CTNNA2: variants seen among roughly 807,000 people sequenced by gnomAD.
CTNNA2 encodes the protein catenin alpha-2.
Under a neutral mutation model 101.0 loss-of-function variants are expected in CTNNA2, and 42 were observed. The observed-to-expected ratio is 0.42, with a 90% confidence interval of 0.32 to 0.54. The LOEUF (loss-of-function observed/expected upper bound fraction) is 0.54. Among genes scored for constraint, CTNNA2 ranks in the 20% least tolerant of loss-of-function variants. CTNNA2 has a pLI of 0.14. For missense variants in CTNNA2, 871 were observed against 1,223.1 expected (o/e 0.71, Z 4.29); for synonymous variants, 450 against 456.4 (o/e 0.99, Z 0.18).
intron 3 of CTNNA2, among the ~76,000 whole-genome samples, chr2:79,837,715 A>G (rs1160780785): frequency 6.6e-6 from 1 of 151,888 alleles, no homozygotes; most frequent in African/African-American, 2.4e-5. Context: ...CATACTCTCA[A>G]TTTGTAATTT....
chr2:80,450,352 A>G (rs1175289332), intron 9 of CTNNA2, among the ~76,000 whole-genome samples: 1 of 152,106 alleles, frequency 6.6e-6, no homozygotes, highest in Non-Finnish European at 1.5e-5. Flanking sequence ...ATCTTGAACA[A>G]CTAGTATGGT....
chr2:79,453,636 G>C (rs1670780547), intron 4 of CTNNA2, among the ~76,000 whole-genome samples: 1 of 152,130 alleles, frequency 6.6e-6, no homozygotes, highest in Non-Finnish European at 1.5e-5. Flanking sequence ...TGGCCAGCCA[G>C]TACTTTGCAG....
At chr2:79,318,107 TAA>T (rs1185711817) in intron 3 of CTNNA2, among the ~76,000 whole-genome samples, 1 of 151,920 alleles carries the variant, frequency 6.6e-6, no homozygotes, top group Non-Finnish European at 1.5e-5. Flanking sequence ...TATGTTTTTG[TAA>T]AAAAAATTCT....
intron 6 of CTNNA2, among the ~76,000 whole-genome samples, chr2:79,880,428 C>A (rs1271222058): frequency 1.3e-5 from 2 of 152,140 alleles, no homozygotes; most frequent in African/African-American, 4.8e-5. Context: ...TAGAATTCAC[C>A]TGTGAATCCA....
Position 80,014,284 on chromosome 2 carries a change from A to G in CTNNA2, c.1056+104487A>G, listed in dbSNP as rs189676090. Among the ~76,000 whole-genome samples the G allele has an allele frequency of 2.5e-3, 374 of 152,242 alleles. 2 individuals are homozygous for G. The highest frequency in any genetic ancestry group is 0.012 in the South Asian group (56 of 4,820). ...CAGAAGCTGCAGGAGGAAGGGAGCT[A>G]GAAAGATGCCTTTCTTCCTGGTGTG... is the stretch of plus-strand genomic sequence containing the variant. On this transcript the variant is annotated intron_variant, in intron 7 of 18. Transcript: ENST00000402739.
chr2:80,145,266 G>T (rs1703262440), intron 7 of CTNNA2, among the ~76,000 whole-genome samples: 2 of 152,100 alleles, frequency 1.3e-5, no homozygotes, highest in African/African-American at 4.8e-5. Flanking sequence ...GCATTTTCTG[G>T]GTTGAATTCT....
intron 3 of CTNNA2, among the ~76,000 whole-genome samples, chr2:79,317,799 A>G (rs1573071185): frequency 6.6e-6 from 1 of 152,118 alleles, no homozygotes; most frequent in African/African-American, 2.4e-5. Flanking sequence ...TGACCTTTTT[A>G]TGATTTTATG....
In CTNNA2 at chr2:79,396,797, A is replaced by C. The variant is rs56056701; in HGVS notation, c.-135+22784A>C. On this transcript the variant is annotated intron_variant, in intron 4 of 21. Transcript: ENST00000466387. ...ATTAATAAATGGAGAGAATATTCAAAACAAGCCATTAAAATTGGGCAAAAA... is the reference window on the plus strand; with the variant it reads ...ATTAATAAATGGAGAGAATATTCAACACAAGCCATTAAAATTGGGCAAAAA... Among the ~76,000 whole-genome samples, 280 of 152,298 alleles carry C rather than the reference A, an allele frequency of 1.8e-3. 3 individuals carry two copies. The highest frequency in any genetic ancestry group is 2.9e-3 in the Non-Finnish European group (198 of 68,028).
At chr2:79,738,711 T>C (rs1671074815) in intron 2 of CTNNA2, among the ~76,000 whole-genome samples, 1 of 152,314 alleles carries the variant, frequency 6.6e-6, no homozygotes, top group Non-Finnish European at 1.5e-5. Context: ...TAAAAATGAT[T>C]TGATTTTAGC....
chr2:79,454,173 C>T (rs890146377), intron 4 of CTNNA2, among the ~76,000 whole-genome samples: 6 of 152,004 alleles, frequency 3.9e-5, no homozygotes, highest in African/African-American at 1.4e-4. Context: ...TTTTTAACTC[C>T]TAGGATATGG....
chr2:79,312,324 A>G (rs2104401371), intron 2 of CTNNA2, among the ~76,000 whole-genome samples: 1 of 152,282 alleles, frequency 6.6e-6, no homozygotes, highest in Non-Finnish European at 1.5e-5. Context: ...AACATAGTCA[A>G]TGTCTTTTTG....
chr2:79,569,939 A>G (rs1336151803), intron 1 of CTNNA2, among the ~76,000 whole-genome samples: 2 of 152,182 alleles, frequency 1.3e-5, no homozygotes, highest in Non-Finnish European at 2.9e-5. Context: ...TTTATTTGCA[A>G]TTGTGTCCTC....
intron 9 of CTNNA2, among the ~76,000 whole-genome samples, chr2:80,448,301 C>A (rs1424379068): frequency 6.6e-6 from 1 of 152,166 alleles, no homozygotes; most frequent in African/African-American, 2.4e-5. Flanking sequence ...TGATGCTTAG[C>A]AATAAGGGTG....
Position 79,735,608 on chromosome 2 carries a change from A to T in CTNNA2, c.103-8779A>T, listed in dbSNP as rs116046976. ...TGTAGACCACAGCAACTGAGTTACA[A>T]GGCTTGCCTCATGGCCTTACTTAAA... On this transcript the variant is annotated intron_variant, in intron 2 of 18. Coordinates refer to ENST00000402739, the MANE Select transcript of CTNNA2 (RefSeq NM_001282597.3). Among the ~76,000 whole-genome samples the T allele has an allele frequency of 4.2e-3, 639 of 152,332 alleles. 2 individuals are homozygous for T. Among genetic ancestry groups the T allele is most frequent in the Non-Finnish European group, 7.0e-3 (477 of 68,008 alleles).
At chr2:79,699,225 T>C (rs1254359921) in intron 2 of CTNNA2, among the ~76,000 whole-genome samples, 2 of 152,066 alleles carry the variant, frequency 1.3e-5, no homozygotes, top group East Asian at 1.9e-4. Context: ...TAGGGAAATA[T>C]AGACTGATGA....
intron 4 of CTNNA2, among the ~76,000 whole-genome samples, chr2:79,428,698 A>T (rs1678618846): frequency 6.6e-6 from 1 of 152,114 alleles, no homozygotes; most frequent in Admixed American, 6.6e-5. Flanking sequence ...ACACCCCAAG[A>T]AATGACAGCC....
At chr2:79,944,021 C>T (rs1688328507) in intron 7 of CTNNA2, among the ~76,000 whole-genome samples, 1 of 152,152 alleles carries the variant, frequency 6.6e-6, no homozygotes, top group African/African-American at 2.4e-5. Flanking sequence ...TCCCTTGTGT[C>T]TGTTTCTAAA....
chr2:80,129,212 G>A (rs1702289099), intron 7 of CTNNA2, among the ~76,000 whole-genome samples: 1 of 152,218 alleles, frequency 6.6e-6, no homozygotes, highest in Non-Finnish European at 1.5e-5. Context: ...TATATAGGAA[G>A]GGCCTTGAAT....
intron 1 of CTNNA2, among the ~76,000 whole-genome samples, chr2:79,524,237 T>C (rs191046728): frequency 6.6e-6 from 1 of 152,116 alleles, no homozygotes; most frequent in East Asian, 1.9e-4. Flanking sequence ...CAAGTCTTTT[T>C]TGTGTCCTTC....
Sources: allele counts gnomAD v4.1 joint callset (sites outside exome capture counted in the v4.1 genomes callset), GRCh38; gene constraint gnomAD v4.1.1; transcripts MANE v1.5; gene names NCBI Gene and HGNC (gene_info 2026-07-23, HGNC 2026-07-21).